MACROH2A2: variants seen among roughly 807,000 people sequenced by gnomAD.
MACROH2A2 encodes the protein core histone macro-H2A.2.
Under a neutral mutation model 37.6 loss-of-function variants are expected in MACROH2A2, and 6 were observed. The observed-to-expected ratio is 0.16, with a 90% CI of 0.09 to 0.32. The LOEUF (loss-of-function observed/expected upper bound fraction) is 0.32, where lower values mean the gene tolerates loss of function less well. Among genes scored for constraint, MACROH2A2 ranks in the 10% least tolerant of loss-of-function variants. The pLI, the probability that MACROH2A2 is intolerant of heterozygous loss-of-function variation, is 1.00. For synonymous variants in MACROH2A2, 192 were observed against 202.7 expected (o/e 0.95, Z 0.45); for missense variants, 290 against 485.9 (o/e 0.60, Z 3.79).
intron 7 of MACROH2A2, 112 bp from the exon 8 acceptor site, chr10:70,108,921 A>T (rs2072353466): frequency 1.1e-6 from 1 of 925,284 alleles, no homozygotes; most frequent in Non-Finnish European, 1.7e-6. Context: ...CTGCCCAGCC[A>T]ACGTCTCTAT....
Position 70,093,750 on chromosome 10 carries a change from A to G in MACROH2A2, c.493A>G (p.Ser165Gly), listed in dbSNP as rs1259991005. ...RTSKKSKPKDSDKEGTSNSTS... is the reference protein window; with the variant it reads ...RTSKKSKPKDGDKEGTSNSTS... ...TTACCGACAGTCCAAACCAAAGGAC[A>G]GCGATAAAGAAGGAACTTCAAATTC... The change falls in exon 5 of 9, where the codon AGC (serine) becomes GGC (glycine). Residue 165 changes from serine (S) to glycine (G), a missense_variant. Coordinates refer to ENST00000373255, the MANE Select transcript of MACROH2A2 (RefSeq NM_018649.3). 1 of 1,604,338 alleles carries G rather than the reference A, an allele frequency of 6.2e-7. No homozygotes were observed. Among genetic ancestry groups the G allele is most frequent in the Admixed American group, 1.7e-5 (1 of 60,012 alleles).
chr10:70,080,125 C>T (rs2072166643), intron 2 of MACROH2A2, among the ~76,000 whole-genome samples: 1 of 151,812 alleles, frequency 6.6e-6, no homozygotes. Flanking sequence ...AATAAAAATA[C>T]AAAATTAGCC....
intron 2 of MACROH2A2, among the ~76,000 whole-genome samples, chr10:70,076,407 A>G (rs1021468724): frequency 6.6e-6 from 1 of 151,002 alleles, no homozygotes; most frequent in Admixed American, 6.8e-5. Flanking sequence ...ATAGTTTCCC[A>G]TATTTGTTGT....
intron 3 of MACROH2A2, 84 bp from the exon 4 acceptor site, chr10:70,091,673 C>CA (rs571416539): frequency 0.029 from 20,113 of 690,960 alleles, 9 homozygotes; most frequent in East Asian, 0.032. Context: ...GATTCTGTAT[C>CA]AAAAAAAAAA....
At chr10:70,104,311 C>A (rs573293116) in intron 7 of MACROH2A2, among the ~76,000 whole-genome samples, 2 of 151,126 alleles carry the variant, frequency 1.3e-5, no homozygotes, top group African/African-American at 4.9e-5. Flanking sequence ...GAACCCACCA[C>A]GCAGAAAGGA....
chr10:70,076,426 A>C (rs2072140013), intron 2 of MACROH2A2, among the ~76,000 whole-genome samples: 1 of 151,554 alleles, frequency 6.6e-6, no homozygotes, highest in Non-Finnish European at 1.5e-5. Context: ...GTTAAAGTTA[A>C]TTTTTTTACT....
At chr10:70,105,251 G>A (rs190601348) in intron 7 of MACROH2A2, among the ~76,000 whole-genome samples, 101 of 152,344 alleles carry the variant, frequency 6.6e-4, no homozygotes, top group Non-Finnish European at 1.2e-3. Flanking sequence ...AAGCATCTAC[G>A]GTGTGTGCTG....
chr10:70,103,172 C>T (rs1248609532), intron 7 of MACROH2A2, among the ~76,000 whole-genome samples: 7 of 152,158 alleles, frequency 4.6e-5, no homozygotes, highest in African/African-American at 1.7e-4. Flanking sequence ...CCCAGGGCCA[C>T]ATTGCCCACC....
chr10:70,101,400 A>AGAGCCACGAGCCCTGGATTCTATCC (rs2072306029), intron 7 of MACROH2A2, among the ~76,000 whole-genome samples: 1 of 152,182 alleles, frequency 6.6e-6, no homozygotes, highest in Non-Finnish European at 1.5e-5. Flanking sequence ...AGACACATTC[A>AGAGCCACGAGCCCTGGATTCTATCC]GAGCCACGAG....
intron 2 of MACROH2A2, among the ~76,000 whole-genome samples, chr10:70,085,286 G>C (rs894917394): frequency 6.6e-6 from 1 of 152,176 alleles, no homozygotes; most frequent in Non-Finnish European, 1.5e-5. Context: ...CCCAGGTGAG[G>C]CTATCTGGGT....
chr10:70,091,608 A>G, intron 3 of MACROH2A2, 149 bp from the exon 4 acceptor site: 1 of 587,468 alleles, frequency 1.7e-6, no homozygotes, highest in Non-Finnish European at 3.0e-6. Context: ...CTGGAGGCGG[A>G]GGCTGCAGTG....
intron 2 of MACROH2A2, among the ~76,000 whole-genome samples, chr10:70,076,889 G>A (rs1479416004): frequency 6.6e-6 from 1 of 151,710 alleles, no homozygotes; most frequent in Non-Finnish European, 1.5e-5. Context: ...AGTCCCCATC[G>A]CCCACCAACC....
intron 5 of MACROH2A2, among the ~76,000 whole-genome samples, chr10:70,095,316 C>T (rs1564546383): frequency 2.0e-5 from 3 of 149,972 alleles, no homozygotes; most frequent in East Asian, 2.0e-4. Flanking sequence ...TGCAGTGAGC[C>T]GAGATCACGC....
intron 1 of MACROH2A2, among the ~76,000 whole-genome samples, chr10:70,061,623 C>T (rs2072050504): frequency 6.6e-6 from 1 of 152,202 alleles, no homozygotes; most frequent in Admixed American, 6.5e-5. Flanking sequence ...CCCAGCTCCT[C>T]TAGAGTGACC....
At chr10:70,076,294 A>T (rs1478433360) in intron 2 of MACROH2A2, among the ~76,000 whole-genome samples, 1 of 152,210 alleles carries the variant, frequency 6.6e-6, no homozygotes, top group East Asian at 1.9e-4. Flanking sequence ...CATTTATCGC[A>T]TCATTAAAAG....
intron 1 of MACROH2A2, among the ~76,000 whole-genome samples, chr10:70,062,832 G>A (rs188146225): frequency 1.2e-4 from 19 of 152,284 alleles, no homozygotes; most frequent in Non-Finnish European, 2.5e-4. Flanking sequence ...TAAACTGTAA[G>A]GGTACAAAGG....
intron 5 of MACROH2A2, 102 bp from the exon 6 acceptor site, chr10:70,095,552 G>C (rs2072271845): frequency 1.5e-6 from 1 of 666,000 alleles, no homozygotes; most frequent in African/African-American, 1.8e-5. Context: ...GTTGACATTG[G>C]GTATGAATAA....
chr10:70,053,326 T>G lies in MACROH2A2; in HGVS notation c.-60+326T>G, dbSNP rs1440968571. Among the ~76,000 whole-genome samples the G allele has an allele frequency of 6.6e-6, 1 of 151,484 alleles. No homozygotes were observed. Among genetic ancestry groups the G allele is most frequent in the Non-Finnish European group, 1.5e-5 (1 of 67,856 alleles). On this transcript the variant is annotated intron_variant, in intron 1 of 8. Transcript: ENST00000373255. This position sits in a 1 kb window ranked among gnomAD's most constrained non-coding sequence, Gnocchi z 4.8. Reference sequence around the variant, plus strand: ...TTCAGCAGCGGGCCCCAGGCGAGGCTGGACCCGGAGGAAGCGGAGGTCTCC... The same window carrying G: ...TTCAGCAGCGGGCCCCAGGCGAGGCGGGACCCGGAGGAAGCGGAGGTCTCC...
chr10:70,082,300 T>A (rs2072182725), intron 2 of MACROH2A2, among the ~76,000 whole-genome samples: 1 of 151,742 alleles, frequency 6.6e-6, no homozygotes, highest in African/African-American at 2.4e-5. Context: ...ATGCCTGTAA[T>A]CCAGCTGCCG....
Sources: gnomAD v4.1 joint callset for allele counts (sites outside exome capture counted in the v4.1 genomes callset) on GRCh38, gnomAD v4.1.1 for gene constraint, Gnocchi (gnomAD v3.1) non-coding constraint, MANE v1.5 for transcripts, NCBI Gene and HGNC (gene_info 2026-07-23, HGNC 2026-07-21) for gene names.